GMDS: variants seen among roughly 807,000 people sequenced by gnomAD.
GMDS encodes GDP-mannose 4,6 dehydratase.
In GMDS, 20 loss-of-function variants were observed where a neutral mutation model predicts 49.9. The ratio of observed to expected loss-of-function variants is 0.40; its 90% CI spans 0.28 to 0.58. GMDS has a LOEUF of 0.58. GMDS is among the 20% of genes least tolerant of loss of function. The pLI is 0.42. For missense variants in GMDS, 362 were observed against 481.4 expected (o/e 0.75, Z 2.32); for synonymous variants, 177 against 178.6 (o/e 0.99, Z 0.07).
intron 6 of GMDS, among the ~76,000 whole-genome samples, chr6:1,959,055 C>T (rs1763794953): frequency 6.6e-6 from 1 of 152,110 alleles, no homozygotes; most frequent in Non-Finnish European, 1.5e-5. Flanking sequence ...CCAAAAATAC[C>T]TGATAATACT....
At chr6:1,851,271 T>C (rs1757656920) in intron 7 of GMDS, among the ~76,000 whole-genome samples, 1 of 152,216 alleles carries the variant, frequency 6.6e-6, no homozygotes, top group African/African-American at 2.4e-5. Context: ...TGATTAGCTA[T>C]GTAATTAAGG....
At chr6:2,095,044 C>A (rs1044195843) in intron 4 of GMDS, among the ~76,000 whole-genome samples, 1 of 152,186 alleles carries the variant, frequency 6.6e-6, no homozygotes, top group Admixed American at 6.5e-5. Flanking sequence ...ATGCCACACT[C>A]CCCCAAAACA....
At chr6:1,928,740 G>A (rs907483630) in intron 7 of GMDS, among the ~76,000 whole-genome samples, 13 of 152,106 alleles carry the variant, frequency 8.5e-5, no homozygotes, top group African/African-American at 2.7e-4. Context: ...AGGCTAAGGC[G>A]GGTGGATCAC....
At chr6:1,932,833 C>G (rs182718667) in intron 6 of GMDS, among the ~76,000 whole-genome samples, 13 of 152,266 alleles carry the variant, frequency 8.5e-5, no homozygotes, top group African/African-American at 3.1e-4. Context: ...CCACCGCGCC[C>G]GCTCAAAATG....
intron 7 of GMDS, among the ~76,000 whole-genome samples, chr6:1,874,574 G>A (rs977332391): frequency 6.6e-6 from 1 of 152,100 alleles, no homozygotes; most frequent in Non-Finnish European, 1.5e-5. Flanking sequence ...TGTAGCTGTC[G>A]TTATCCTGAG....
At chr6:1,925,129 C>G (rs1761930001) in intron 7 of GMDS, among the ~76,000 whole-genome samples, 1 of 152,124 alleles carries the variant, frequency 6.6e-6, no homozygotes. Context: ...ATTACAGAAT[C>G]TGGGTGGTAC....
intron 4 of GMDS, among the ~76,000 whole-genome samples, chr6:1,997,241 G>C (rs192184820): frequency 7.0e-4 from 106 of 152,182 alleles, no homozygotes; most frequent in African/African-American, 2.4e-3. Context: ...TGGGCACGGT[G>C]GCTCATGCCT....
chr6:2,238,531 G>A (rs1781474779), intron 1 of GMDS, among the ~76,000 whole-genome samples: 1 of 152,044 alleles, frequency 6.6e-6, no homozygotes, highest in Non-Finnish European at 1.5e-5. Context: ...ACCCCTAACT[G>A]CATTCCCAAG....
intron 8 of GMDS, among the ~76,000 whole-genome samples, chr6:1,740,173 A>G (rs531213943): frequency 3.5e-4 from 54 of 152,328 alleles, no homozygotes; most frequent in African/African-American, 1.2e-3. Flanking sequence ...CATATACAAT[A>G]TAAATTTGTT....
chr6:1,743,883 T>A (rs1767384162), intron 7 of GMDS, among the ~76,000 whole-genome samples: 1 of 152,104 alleles, frequency 6.6e-6, no homozygotes, highest in African/African-American at 2.4e-5. Flanking sequence ...TCCACCCACT[T>A]CTCAAAATAA....
At chr6:1,869,289 A>AT (rs1758603099) in intron 7 of GMDS, among the ~76,000 whole-genome samples, 1 of 152,104 alleles carries the variant, frequency 6.6e-6, no homozygotes, top group African/African-American at 2.4e-5. Context: ...CTTTGTTCCT[A>AT]TTTTTTTAAT....
intron 4 of GMDS, among the ~76,000 whole-genome samples, chr6:2,092,326 A>G (rs936809383): frequency 1.3e-5 from 2 of 152,130 alleles, no homozygotes; most frequent in African/African-American, 4.8e-5. Flanking sequence ...TATAACTTCA[A>G]TCATTCTACT....
intron 7 of GMDS, among the ~76,000 whole-genome samples, chr6:1,811,194 A>G (rs1422665814): frequency 6.6e-6 from 1 of 152,236 alleles, no homozygotes; most frequent in Admixed American, 6.5e-5. Context: ...TGAAGTTGAA[A>G]TGATAAAATA....
At chr6:2,220,769 G>GA (rs958843272) in intron 1 of GMDS, among the ~76,000 whole-genome samples, 138 of 145,336 alleles carry the variant, frequency 9.5e-4, no homozygotes, top group East Asian at 1.6e-3. Context: ...TTCAAAATCG[G>GA]AAAAAAAAAA....
chr6:1,722,975 A>C (rs1330472635), intron 9 of GMDS, among the ~76,000 whole-genome samples: 1 of 152,218 alleles, frequency 6.6e-6, no homozygotes, highest in African/African-American at 2.4e-5. Context: ...TAGGCAGAGT[A>C]CCAAAAAATG....
chr6:1,663,582 C>G (rs1056101930), intron 9 of GMDS, among the ~76,000 whole-genome samples: 2 of 152,184 alleles, frequency 1.3e-5, no homozygotes, highest in Non-Finnish European at 2.9e-5. Context: ...AACCCCAAAC[C>G]CTACCACTGG....
intron 1 of GMDS, among the ~76,000 whole-genome samples, chr6:2,151,593 A>C (rs1375189420): frequency 6.6e-6 from 1 of 152,184 alleles, no homozygotes; most frequent in East Asian, 1.9e-4. Flanking sequence ...CCTATTACTC[A>C]TAATCATCTT....
intron 7 of GMDS, among the ~76,000 whole-genome samples, chr6:1,795,759 A>G (rs114705758): frequency 6.6e-6 from 1 of 152,250 alleles, no homozygotes; most frequent in African/African-American, 2.4e-5. Flanking sequence ...AAAGCAGTTC[A>G]TTCACATTAA....
chr6:2,054,015 C>A (rs1461233486), intron 4 of GMDS, among the ~76,000 whole-genome samples: 1 of 151,972 alleles, frequency 6.6e-6, no homozygotes, highest in Non-Finnish European at 1.5e-5. Context: ...ATCAAATGTG[C>A]TCACTGAAAA....
Sources: allele counts gnomAD v4.1 joint callset (sites outside exome capture counted in the v4.1 genomes callset), GRCh38; gene constraint gnomAD v4.1.1; transcripts MANE v1.5; gene names NCBI Gene and HGNC (gene_info 2026-07-23, HGNC 2026-07-21).